The following GRID2 variants were observed in gnomAD, a reference collection of about 807,000 sequenced individuals.
GRID2 encodes glutamate ionotropic receptor delta type subunit 2, also known as glutamate receptor ionotropic, delta-2.
GRID2 carries 33 observed loss-of-function variants against 114.8 expected under a neutral mutation model. That is an observed-to-expected ratio of 0.29 (90% CI 0.22 to 0.38). GRID2 has a LOEUF of 0.38. Ranked by LOEUF, GRID2 falls within the 10% of genes least tolerant of loss-of-function variation. The pLI is 1.00. For synonymous variants in GRID2, 505 were observed against 449.9 expected (o/e 1.12, Z -1.55); for missense variants, 1,184 against 1,257.7 (o/e 0.94, Z 0.89).
At chr4:93,633,492 A>G (rs1345807864) in intron 14 of GRID2, among the ~76,000 whole-genome samples, 1 of 152,094 alleles carries the variant, frequency 6.6e-6, no homozygotes, top group African/African-American at 2.4e-5. Context: ...TTTCTTGTTT[A>G]GCATGCAGTA....
rs189300147 is a variant in GRID2 at position 93,327,516 on chromosome 4, T to C, written c.1246-68091T>C. On this transcript the variant is annotated intron_variant, in intron 8 of 15. Coordinates refer to ENST00000282020, the MANE Select transcript of GRID2 (RefSeq NM_001510.4). ...AAGACTCTCCCTTGTATAGTCAGTA[T>C]ACAAGACTATTGTATATATATACAA... 7.5e-3 allele frequency among the ~76,000 whole-genome samples: 1,143 copies of C among 152,238 alleles called. 7 individuals carry two copies. Among genetic ancestry groups the C allele is most frequent in the Non-Finnish European group, 0.012 (798 of 68,016 alleles).
intron 2 of GRID2, among the ~76,000 whole-genome samples, chr4:92,919,679 T>A (rs1749139297): frequency 6.6e-6 from 1 of 152,208 alleles, no homozygotes; most frequent in Non-Finnish European, 1.5e-5. Context: ...AGTTTCTTAA[T>A]CCTGAGTTCT....
intron 2 of GRID2, among the ~76,000 whole-genome samples, chr4:93,018,230 A>T (rs897303648): frequency 6.6e-6 from 1 of 151,912 alleles, no homozygotes; most frequent in African/African-American, 2.4e-5. Flanking sequence ...TTGAAAAAAA[A>T]AAAAAAAACC....
intron 13 of GRID2, among the ~76,000 whole-genome samples, chr4:93,573,783 A>G (rs1477322262): frequency 6.6e-6 from 1 of 152,166 alleles, no homozygotes; most frequent in Non-Finnish European, 1.5e-5. Context: ...TGCAACCTTC[A>G]TGTAACCCTG....
intron 13 of GRID2, among the ~76,000 whole-genome samples, chr4:93,548,707 C>T (rs1025077696): frequency 1.3e-5 from 2 of 152,032 alleles, no homozygotes; most frequent in Admixed American, 1.3e-4. Context: ...TAAGAAAGGG[C>T]AGAACTATCC....
chr4:92,377,833 G>A (rs2110231010), intron 1 of GRID2, among the ~76,000 whole-genome samples: 1 of 152,090 alleles, frequency 6.6e-6, no homozygotes, highest in South Asian at 2.1e-4. Context: ...GAATAGCATG[G>A]GAAAGACCTT....
intron 2 of GRID2, among the ~76,000 whole-genome samples, chr4:93,008,034 A>C (rs1578737782): frequency 1.4e-5 from 2 of 140,108 alleles, no homozygotes; most frequent in Non-Finnish European, 3.1e-5. Flanking sequence ...GACTGTCACA[A>C]AAAAAAAAAA....
chr4:92,589,037 C>T (rs1001436434), intron 1 of GRID2, among the ~76,000 whole-genome samples: 6 of 152,104 alleles, frequency 3.9e-5, no homozygotes, highest in Admixed American at 3.3e-4. Flanking sequence ...ACCCGGGAGG[C>T]GGAGGTTGCA....
chr4:92,430,095 G>T (rs1034779583), intron 1 of GRID2, among the ~76,000 whole-genome samples: 21 of 152,092 alleles, frequency 1.4e-4, no homozygotes, highest in African/African-American at 5.1e-4. Context: ...CTGTGCAGAT[G>T]CTTTTTAACT....
chr4:93,334,194 T>A (rs1758793169), intron 8 of GRID2, among the ~76,000 whole-genome samples: 1 of 152,202 alleles, frequency 6.6e-6, no homozygotes, highest in African/African-American at 2.4e-5. Flanking sequence ...CAACAGCTGC[T>A]CTAGTACTAA....
At chr4:93,284,343 G>C (rs1350089707) in intron 8 of GRID2, among the ~76,000 whole-genome samples, 1 of 151,750 alleles carries the variant, frequency 6.6e-6, no homozygotes, top group Non-Finnish European at 1.5e-5. Flanking sequence ...ACACACATTG[G>C]GGCACACATT....
At chr4:92,734,174 A>G (rs923768031) in intron 2 of GRID2, among the ~76,000 whole-genome samples, 1 of 152,102 alleles carries the variant, frequency 6.6e-6, no homozygotes, top group Non-Finnish European at 1.5e-5. Flanking sequence ...AAATTATGTT[A>G]ATTTTACACT....
At chr4:92,858,201 A>C (rs1028193052) in intron 2 of GRID2, among the ~76,000 whole-genome samples, 11 of 152,316 alleles carry the variant, frequency 7.2e-5, no homozygotes, top group Non-Finnish European at 1.5e-4. Context: ...TGAAGAACTG[A>C]GTAGTAATTT....
At chr4:92,594,362 C>G (rs1560478507) in intron 2 of GRID2, among the ~76,000 whole-genome samples, 1 of 151,760 alleles carries the variant, frequency 6.6e-6, no homozygotes, top group East Asian at 1.9e-4. Flanking sequence ...CAATCTTGTT[C>G]TTTTGGCCTT....
intron 13 of GRID2, among the ~76,000 whole-genome samples, chr4:93,621,226 G>T (rs921158345): frequency 2.0e-5 from 3 of 152,174 alleles, no homozygotes; most frequent in Admixed American, 6.6e-5. Flanking sequence ...ATCACGGGGA[G>T]TCTATTGATA....
At position 93,257,119 on chromosome 4, in the gene GRID2, A is replaced by T. The variant is rs573280180; in HGVS notation, c.1245+18629A>T. Among the ~76,000 whole-genome samples the T allele has an allele frequency of 7.2e-5, 11 of 151,996 alleles. No individual in the cohort carries two copies. The South Asian group carries it at 2.1e-3, about 29-fold the overall frequency. ...AAGTAGAAAAAGAAAAATGAAGCTC[A>T]TTCCGAATGATCTGAAACACAGAAA... On this transcript the variant is annotated intron_variant, in intron 8 of 15. Transcript: ENST00000282020.
chr4:92,540,482 G>T lies in GRID2; in HGVS notation c.89-49649G>T, dbSNP rs1465792185. On this transcript the variant is annotated intron_variant, in intron 1 of 15. Transcript: ENST00000282020. ...ACAACCCCATCAAAAAGTGGGCAAA[G>T]GATATGAACAGACACTTCTCAAAAG... Among the ~76,000 whole-genome samples the T allele has an allele frequency of 2.0e-5, 3 of 152,132 alleles. No individual in the cohort carries two copies. In the South Asian group the frequency reaches 6.2e-4, roughly 32 times the overall value.
At chr4:92,521,199 G>A (rs1311769529) in intron 1 of GRID2, among the ~76,000 whole-genome samples, 1 of 151,648 alleles carries the variant, frequency 6.6e-6, no homozygotes, top group East Asian at 1.9e-4. Context: ...GAATTCAGGT[G>A]CAAATATAAA....
chr4:93,182,312 A>G (rs893334366), intron 4 of GRID2, among the ~76,000 whole-genome samples: 4 of 152,080 alleles, frequency 2.6e-5, no homozygotes, highest in African/African-American at 9.7e-5. Flanking sequence ...TAATGATGTT[A>G]TACCTCTATA....
Sources: allele counts gnomAD v4.1 joint callset (sites outside exome capture counted in the v4.1 genomes callset), GRCh38; gene constraint gnomAD v4.1.1; transcripts MANE v1.5; gene names NCBI Gene and HGNC (gene_info 2026-07-23, HGNC 2026-07-21).